The following CLN5 variants were observed in gnomAD, a reference collection of about 807,000 sequenced individuals.
The protein encoded by CLN5 is CLN5 lysosomal BMP synthase, also known as bis(monoacylglycero)phosphate synthase CLN5.
A neutral mutation model predicts 36.7 loss-of-function variants in CLN5; 34 were observed. The ratio of observed to expected loss-of-function variants is 0.93; its 90% confidence interval spans 0.71 to 1.23. CLN5 has a LOEUF of 1.23. CLN5 is among the 50% of genes most tolerant of loss of function. The pLI is 0.00. For synonymous variants in CLN5, 151 were observed against 155.1 expected (o/e 0.97, Z 0.20); for missense variants, 427 against 439.4 (o/e 0.97, Z 0.25).
Position 77,004,148 on chromosome 13 carries a change from C to A in CLN5, c.*3179C>A, listed in dbSNP as rs981246698. 10 of 151,976 alleles carry A rather than the reference C, an allele frequency of 6.6e-5. No homozygotes were observed. The highest frequency in any genetic ancestry group is 2.4e-4 in the African/African-American group (10 of 41,330). 9.4% of individuals were successfully genotyped at this position (151,976 alleles called of 1,614,324 possible). A position where few individuals can be genotyped will look rare whatever the true frequency, so the allele number is the denominator to read the frequency against. On this transcript the variant is annotated 3_prime_UTR_variant, in exon 4 of 4. Transcript: ENST00000377453. ...TTTGGAACCCTCAATATTGGTGGCT[C>A]CTTAAAAATTGGAGAAAAAAATCAA...
intron 2 of CLN5, 170 bp from the exon 3 acceptor site, chr13:76,995,732 G>A: frequency 1.5e-6 from 1 of 674,270 alleles, no homozygotes. Context: ...GTGGATGAGG[G>A]CCTGGAGTTT....
In CLN5 at chr13:77,000,698, T is replaced by G. The variant is rs2034345372; in HGVS notation, c.806T>G (p.Leu269Arg). 9.9e-6 allele frequency: 16 copies of G among 1,613,940 alleles called. No individual in the cohort carries two copies. The highest frequency in any genetic ancestry group is 1.3e-5 in the Non-Finnish European group (15 of 1,179,824). ...IFLYSGEPTY[L>R]GNETSVFGPT... ...CTTTACAGTGGAGAACCTACTTATC[T>G]GGGAAATGAAACATCTGTTTTTGGG... Residue 269 changes from leucine (L) to arginine (R), a missense_variant, in exon 4 of 4, where the codon CTG (leucine) becomes CGG (arginine). Coordinates refer to ENST00000377453, the MANE Select transcript of CLN5 (RefSeq NM_006493.4).
chr13:76,993,182 C>G (rs537081599), intron 1 of CLN5: 17 of 152,310 alleles, frequency 1.1e-4, no homozygotes, highest in African/African-American at 4.1e-4. Context: ...AAATCTGGCT[C>G]TGTCATCACC....
chr13:77,000,278 A>G, intron 3 of CLN5, 180 bp from the exon 4 acceptor site: 1 of 531,350 alleles, frequency 1.9e-6, no homozygotes, highest in Non-Finnish European at 3.2e-6. Flanking sequence ...CCAGCTACTC[A>G]GGAGGCCGAG....
Position 77,002,791 on chromosome 13 carries a change from T to TA in CLN5, c.*1825dup, listed in dbSNP as rs1349036941. 6.6e-6 allele frequency: 1 copy of TA among 152,222 alleles called. No individual in the cohort carries two copies. The highest frequency in any genetic ancestry group is 1.5e-5 in the Non-Finnish European group (1 of 68,042). 9.4% of individuals were successfully genotyped at this position (152,222 alleles called of 1,614,324 possible). A position where few individuals can be genotyped will look rare whatever the true frequency, so the allele number is the denominator to read the frequency against. Reference sequence around the variant, plus strand: ...CTGTGCATTATCACCATCTAGTGGCTAAACTCAGGCAACACGAACTTCTAC... The same window carrying TA: ...CTGTGCATTATCACCATCTAGTGGCTAAAACTCAGGCAACACGAACTTCTAC... On this transcript the variant is annotated 3_prime_UTR_variant, in exon 4 of 4. Coordinates refer to ENST00000377453, the MANE Select transcript of CLN5 (RefSeq NM_006493.4).
rs2034358649 is a variant in CLN5, at chr13:77,001,258, C to T, written c.*289C>T. The T allele has an allele frequency of 4.0e-6, 1 of 250,292 alleles. No homozygotes were observed. The highest frequency in any genetic ancestry group is 2.3e-5 in the African/African-American group (1 of 43,894). 15.5% of individuals were successfully genotyped at this position (250,292 alleles called of 1,614,324 possible). A position where few individuals can be genotyped will look rare whatever the true frequency, so the allele number is the denominator to read the frequency against. ...TATCAGTTATGTAGGACCTTTGGAC[C>T]CAGGGTCCTACAGATAGATATGGTG... On this transcript the variant is annotated 3_prime_UTR_variant, in exon 4 of 4. Coordinates refer to ENST00000377453, the MANE Select transcript of CLN5 (RefSeq NM_006493.4).
At chr13:76,995,690 A>C (rs1382462127) in intron 2 of CLN5, 2 of 607,252 alleles carry the variant, frequency 3.3e-6, no homozygotes, top group African/African-American at 1.8e-5. Flanking sequence ...ATTTGAGATG[A>C]GCCAAATAGG....
At position 76,992,127 on chromosome 13, in the gene CLN5, G is replaced by A. The variant is rs1203661848; in HGVS notation, c.29G>A (p.Gly10Asp). The change falls in exon 1 of 4, where the codon GGC becomes GAC. Residue 10 changes from glycine to aspartate, a missense_variant. Transcript: ENST00000377453. The stretch of plus-strand genomic sequence containing the variant: ...GCGCAGGAGGTAGACACGGCACAGG[G>A]CGCCGAGATGCGGCGGGGCGCGGGC... MAQEVDTAQGAEMRRGAGAA... is the reference protein window; with the variant it reads MAQEVDTAQDAEMRRGAGAA... 2 of 1,610,496 alleles carry A rather than the reference G, an allele frequency of 1.2e-6. No individual in the cohort carries two copies. The highest frequency in any genetic ancestry group is 2.2e-5 in the East Asian group (1 of 44,762).
chr13:76,999,898 T>C (rs938658862), intron 3 of CLN5: 32 of 152,218 alleles, frequency 2.1e-4, no homozygotes, highest in African/African-American at 7.7e-4. Context: ...CTTCTCCTTA[T>C]ACACCTATTA....
intron 1 of CLN5, 132 bp from the exon 2 acceptor site, chr13:76,994,931 T>C: frequency 1.4e-6 from 1 of 726,250 alleles, no homozygotes; most frequent in Non-Finnish European, 2.3e-6. Flanking sequence ...GATAACAAAA[T>C]GTGTGTTTAT....
intron 2 of CLN5, 32 bp downstream of exon 2, chr13:76,995,260 T>C (rs757842432): frequency 6.3e-6 from 10 of 1,598,698 alleles, no homozygotes; most frequent in Admixed American, 3.3e-5. Context: ...ATAACTTTGG[T>C]TAATTCAATG....
At position 77,001,558 on chromosome 13, in the gene CLN5, G is replaced by A. The variant is rs901179734; in HGVS notation, c.*589G>A. ...AGTGTTAACACATATTTCTGGCTGA[G>A]ATTTTGGAACTAGCTAGTAACTGGC... On this transcript the variant is annotated 3_prime_UTR_variant, in exon 4 of 4. Transcript: ENST00000377453. The A allele has an allele frequency of 2.0e-5, 3 of 152,278 alleles. No homozygotes were observed. Among genetic ancestry groups the A allele is most frequent in the Non-Finnish European group, 4.4e-5 (3 of 68,110 alleles). The allele number at this position is 152,278 out of a possible 1,614,324, so 9.4% of individuals were successfully genotyped here.
chr13:77,000,336 G>A lies in CLN5; in HGVS notation c.566-122G>A, dbSNP rs1397178635. Reference sequence around the variant, plus strand: ...GGAGGTCAAGGCTGCAGTGAGCTGTGATGTTACCACCGCACTCTAGCCTCG... The same window carrying A: ...GGAGGTCAAGGCTGCAGTGAGCTGTAATGTTACCACCGCACTCTAGCCTCG... On this transcript the variant is annotated intron_variant, in intron 3 of 3. Coordinates refer to ENST00000377453, the MANE Select transcript of CLN5 (RefSeq NM_006493.4). 3 of 871,972 alleles carry A rather than the reference G, an allele frequency of 3.4e-6. No individual in the cohort carries two copies. In the East Asian group the frequency reaches 8.0e-5, roughly 23 times the overall value. 54.0% of individuals were successfully genotyped at this position (871,972 alleles called of 1,614,324 possible).
At chr13:76,993,730 T>C (rs746100034) in intron 1 of CLN5, 2 of 152,224 alleles carry the variant, frequency 1.3e-5, no homozygotes, top group Non-Finnish European at 2.9e-5. Flanking sequence ...TATAAAACAC[T>C]GTACCCAAGT....
chr13:76,995,939 T>TA lies in CLN5; in HGVS notation c.379dup (p.Thr127AsnfsTer11), dbSNP rs1566219068. On this transcript the variant is annotated frameshift_variant, in exon 3 of 4. Transcript: ENST00000377453. LOFTEE classifies it high-confidence loss of function. Reference sequence around the variant, plus strand: ...GATGCCATTGGATTCAGAAGTACATTAACTGGCAAGAACTACACAATGGAA... The same window carrying TA: ...GATGCCATTGGATTCAGAAGTACATTAAACTGGCAAGAACTACACAATGGAA... 1.2e-6 allele frequency: 2 copies of TA among 1,614,190 alleles called. No homozygotes were observed. Among genetic ancestry groups the TA allele is most frequent in the South Asian group, 2.2e-5 (2 of 91,082 alleles).
chr13:77,004,965 A>G lies in CLN5; in HGVS notation c.*3996A>G, dbSNP rs1425428980. On this transcript the variant is annotated 3_prime_UTR_variant, in exon 4 of 4. Coordinates refer to ENST00000377453, the MANE Select transcript of CLN5 (RefSeq NM_006493.4). ...TCAAGGACCCTTAAAGACTGATTCT[A>G]TGTCTAAATAATCTGTTTTATAAGT... The G allele has an allele frequency of 6.6e-6, 1 of 152,182 alleles. No individual in the cohort carries two copies. The highest frequency in any genetic ancestry group is 1.5e-5 in the Non-Finnish European group (1 of 68,018). The allele number at this position is 152,182 out of a possible 1,614,324, so 9.4% of individuals were successfully genotyped here. A position where few individuals can be genotyped will look rare whatever the true frequency, so the allele number is the denominator to read the frequency against.
chr13:76,995,879 A>C, intron 2 of CLN5, 23 bp from the exon 3 acceptor site: 4 of 1,595,790 alleles, frequency 2.5e-6, no homozygotes, highest in Non-Finnish European at 3.4e-6. Context: ...AGTTGCTTTT[A>C]TACATGTACT....
At chr13:76,996,290 T>C (rs2034267440) in intron 3 of CLN5, 163 bp downstream of exon 3, 2 of 623,848 alleles carry the variant, frequency 3.2e-6, no homozygotes, top group Non-Finnish European at 5.6e-6. Context: ...TCATCTCTTA[T>C]TTGTATTTTT....
At chr13:76,995,663 T>G (rs2034252511) in intron 2 of CLN5, 3 of 580,896 alleles carry the variant, frequency 5.2e-6, no homozygotes, top group Non-Finnish European at 9.2e-6. Context: ...CTTGTCCACA[T>G]AACATGCAGG....
Sources: allele counts gnomAD v4.1 joint callset, GRCh38; gene constraint gnomAD v4.1.1; transcripts MANE v1.5; gene names NCBI Gene and HGNC (gene_info 2026-07-23, HGNC 2026-07-21).